GMDS: variants seen among roughly 807,000 people sequenced by gnomAD.
GMDS encodes the protein GDP-mannose 4,6-dehydratase.
A neutral mutation model predicts 49.9 loss-of-function variants in GMDS; 20 were observed. That is an observed-to-expected ratio of 0.40 (90% confidence interval 0.28 to 0.58). The LOEUF is 0.58. GMDS is among the 20% of genes least tolerant of loss of function. GMDS has a pLI of 0.42. For synonymous variants in GMDS, 177 were observed against 178.6 expected (o/e 0.99, Z 0.07); for missense variants, 362 against 481.4 (o/e 0.75, Z 2.32).
chr6:2,154,449 T>C (rs950403563), intron 1 of GMDS, among the ~76,000 whole-genome samples: 3 of 152,132 alleles, frequency 2.0e-5, no homozygotes, highest in African/African-American at 7.2e-5. Context: ...GTTCAAAAAG[T>C]ACTCATATTC....
intron 1 of GMDS, among the ~76,000 whole-genome samples, chr6:2,159,458 C>T (rs534609751): frequency 5.6e-4 from 84 of 149,008 alleles, no homozygotes; most frequent in Non-Finnish European, 1.1e-3. Context: ...TATCTACATA[C>T]ATTTTATGCA....
chr6:1,658,379 A>G (rs940911754), intron 9 of GMDS, among the ~76,000 whole-genome samples: 1 of 152,266 alleles, frequency 6.6e-6, no homozygotes, highest in African/African-American at 2.4e-5. Flanking sequence ...GCTGAGGAAC[A>G]TAAGAGTATC....
chr6:2,070,106 A>G (rs1460903897), intron 4 of GMDS, among the ~76,000 whole-genome samples: 5 of 151,636 alleles, frequency 3.3e-5, no homozygotes, highest in African/African-American at 1.2e-4. Context: ...TGATGAGTTC[A>G]TGTCCTTTGT....
chr6:2,076,900 A>C (rs1772376249), intron 4 of GMDS, among the ~76,000 whole-genome samples: 2 of 152,350 alleles, frequency 1.3e-5, no homozygotes, highest in Middle Eastern at 3.4e-3. Flanking sequence ...CAAAAGCCAA[A>C]ATTGACAAAT....
chr6:2,111,084 G>T (rs893806857), intron 4 of GMDS, among the ~76,000 whole-genome samples: 1 of 152,152 alleles, frequency 6.6e-6, no homozygotes, highest in African/African-American at 2.4e-5. Flanking sequence ...CTTTGAAAAT[G>T]ACATTAAGAT....
At chr6:1,639,143 T>C (rs1763252774) in intron 9 of GMDS, among the ~76,000 whole-genome samples, 1 of 152,054 alleles carries the variant, frequency 6.6e-6, no homozygotes, top group African/African-American at 2.4e-5. Flanking sequence ...GGGCTCAGGC[T>C]TGAAGAGGAG....
At chr6:2,189,485 T>C (rs762560132) in intron 1 of GMDS, among the ~76,000 whole-genome samples, 3 of 152,194 alleles carry the variant, frequency 2.0e-5, no homozygotes, top group Non-Finnish European at 4.4e-5. Context: ...CTGGGGAACC[T>C]GTCCTCCCCC....
At chr6:1,826,491 T>C (rs1024025271) in intron 7 of GMDS, among the ~76,000 whole-genome samples, 1 of 152,240 alleles carries the variant, frequency 6.6e-6, no homozygotes, top group Non-Finnish European at 1.5e-5. Flanking sequence ...TAAAAGTTTG[T>C]TGTAGGTGTG....
At chr6:2,091,873 G>A (rs964186065) in intron 4 of GMDS, among the ~76,000 whole-genome samples, 1 of 151,682 alleles carries the variant, frequency 6.6e-6, no homozygotes, top group Non-Finnish European at 1.5e-5. Flanking sequence ...TCCAACCTGG[G>A]CGACAGAGCA....
chr6:1,662,656 C>G (rs973207843), intron 9 of GMDS, among the ~76,000 whole-genome samples: 1 of 152,078 alleles, frequency 6.6e-6, no homozygotes, highest in African/African-American at 2.4e-5. Context: ...ACATCAGCTG[C>G]TTTATGTTGA....
chr6:2,150,522 C>T (rs1166602835), intron 1 of GMDS, among the ~76,000 whole-genome samples: 1 of 152,200 alleles, frequency 6.6e-6, no homozygotes, highest in Non-Finnish European at 1.5e-5. Context: ...ATCAGATTAG[C>T]TTTACCATTT....
chr6:2,146,608 C>T (rs1776572339), intron 1 of GMDS, among the ~76,000 whole-genome samples: 2 of 152,196 alleles, frequency 1.3e-5, no homozygotes, highest in South Asian at 4.1e-4. Context: ...CCACGGCTCA[C>T]TCAAGTATTT....
At chr6:2,143,977 C>A (rs530431033) in intron 1 of GMDS, among the ~76,000 whole-genome samples, 3 of 151,686 alleles carry the variant, frequency 2.0e-5, no homozygotes, top group African/African-American at 2.4e-5. Flanking sequence ...GCCTTGCCTT[C>A]AAAAAACAGC....
intron 9 of GMDS, among the ~76,000 whole-genome samples, chr6:1,641,924 C>T (rs1372844692): frequency 6.6e-6 from 1 of 152,128 alleles, no homozygotes; most frequent in Non-Finnish European, 1.5e-5. Flanking sequence ...TTCTTTTGTC[C>T]CAAACAGTGG....
intron 7 of GMDS, among the ~76,000 whole-genome samples, chr6:1,841,890 C>T (rs766321104): frequency 1.3e-5 from 2 of 152,150 alleles, no homozygotes; most frequent in Non-Finnish European, 2.9e-5. Context: ...TCCTGCAATG[C>T]CTATTTCCCT....
At chr6:2,027,258 T>C (rs1768660686) in intron 4 of GMDS, among the ~76,000 whole-genome samples, 2 of 152,106 alleles carry the variant, frequency 1.3e-5, no homozygotes, top group African/African-American at 4.8e-5. Flanking sequence ...GCAAGGACAT[T>C]CTCTGTGTGA....
At chr6:1,636,494 CG>C (rs773688306) in intron 9 of GMDS, among the ~76,000 whole-genome samples, 11 of 152,336 alleles carry the variant, frequency 7.2e-5, no homozygotes, top group Non-Finnish European at 1.6e-4. Context: ...TACAAGGAAG[CG>C]TGCAGCATGA....
At chr6:1,726,557 A>G in intron 8 of GMDS, 45 bp from the exon 9 acceptor site, 1 of 1,421,090 alleles carries the variant, frequency 7.0e-7, no homozygotes, top group Non-Finnish European at 1.0e-6. Context: ...TTGCTTGGGA[A>G]CATTTGGCCA....
In GMDS at chr6:1,930,563, A is replaced by G. The variant is rs530107221; in HGVS notation, c.644-333T>C. The G allele has an allele frequency of 6.6e-5, 13 of 197,792 alleles. No homozygotes were observed. The South Asian group carries it at 2.1e-3, about 31-fold the overall frequency. 12.3% of individuals were successfully genotyped at this position (197,792 alleles called of 1,614,324 possible). On this transcript the variant is annotated intron_variant, in intron 6 of 10. Coordinates refer to ENST00000380815, the MANE Select transcript of GMDS (RefSeq NM_001500.4). Reference sequence around the variant, plus strand: ...TGTTGGAATGCCAGTTTTTAAACAGAAAATTCAAAAGGGTTGTATAAAGGG... The same window carrying G: ...TGTTGGAATGCCAGTTTTTAAACAGGAAATTCAAAAGGGTTGTATAAAGGG...
Sources: gnomAD v4.1 joint callset for allele counts (sites outside exome capture counted in the v4.1 genomes callset) on GRCh38, gnomAD v4.1.1 for gene constraint, MANE v1.5 for transcripts, NCBI Gene and HGNC (gene_info 2026-07-23, HGNC 2026-07-21) for gene names.